The following IFIT5 variants were observed in gnomAD, a reference collection of about 807,000 sequenced individuals.
IFIT5 encodes interferon induced protein with tetratricopeptide repeats 5, also known as interferon-induced protein with tetratricopeptide repeats 5.
Under a neutral mutation model 5.0 loss-of-function variants are expected in IFIT5, and 2 were observed. That is an observed-to-expected ratio of 0.40 (90% CI 0.16 to 1.26). IFIT5 has a LOEUF of 1.26. Ranked by LOEUF, IFIT5 falls within the 50% of genes most tolerant of loss-of-function variation. IFIT5 has a pLI of 0.33. For missense variants in IFIT5, 524 were observed against 563.2 expected (o/e 0.93, Z 0.70); for synonymous variants, 206 against 204.6 (o/e 1.01, Z -0.06).
Position 89,419,566 on chromosome 10 carries a change from T to A in IFIT5, c.*918T>A, listed in dbSNP as rs972043089. The A allele has an allele frequency of 6.6e-6, 1 of 152,198 alleles. No homozygotes were observed. The highest frequency in any genetic ancestry group is 2.4e-5 in the African/African-American group (1 of 41,462). 9.4% of individuals were successfully genotyped at this position (152,198 alleles called of 1,614,324 possible). ...TTACCAAGGTTTCAGTGTACTAGTT[T>A]TGAATCTGTTCTGAATGGAGTTTTT... On this transcript the variant is annotated 3_prime_UTR_variant, in exon 2 of 2. Transcript: ENST00000371795.
rs777935444 is a variant in IFIT5, at chr10:89,417,950, G to A, written c.751G>A (p.Val251Ile). Residue 251 changes from valine (V) to isoleucine (I), a missense_variant, in exon 2 of 2, where the codon GTC becomes ATC. By Grantham distance (29) the Val-to-Ile change is conservative. Transcript: ENST00000371795. ...GGACCAAATATCATCCCAGCCTTAC[G>A]TCCTTCGTTATGCAGCCAAGTTCTA... ...ILDQISSQPYVLRYAAKFYRR... is the reference protein window; with the variant it reads ...ILDQISSQPYILRYAAKFYRR... 1.4e-4 allele frequency: 225 copies of A among 1,614,032 alleles called. No homozygotes were observed. Among genetic ancestry groups the A allele is most frequent in the South Asian group, 4.6e-4 (42 of 91,082 alleles).
rs1403346031 is a variant in IFIT5, at chr10:89,420,512, G to GA, written c.*1868dup. The stretch of plus-strand genomic sequence containing the variant: ...AGATTATTTGCTTCATCAGTTCATA[G>GA]AAAAGATTATTTGCTTCATCAGTTA... On this transcript the variant is annotated 3_prime_UTR_variant, in exon 2 of 2. Coordinates refer to ENST00000371795, the MANE Select transcript of IFIT5 (RefSeq NM_012420.3). 3.3e-5 allele frequency: 5 copies of GA among 152,172 alleles called. No individual in the cohort carries two copies. Among genetic ancestry groups the GA allele is most frequent in the African/African-American group, 4.8e-5 (2 of 41,450 alleles). The allele number at this position is 152,172 out of a possible 1,614,324, so 9.4% of individuals were successfully genotyped here.
At position 89,418,746 on chromosome 10, in the gene IFIT5, G is replaced by A. The variant is rs924421399; in HGVS notation, c.*98G>A. The A allele has an allele frequency of 3.3e-6, 4 of 1,215,596 alleles. No individual in the cohort carries two copies. Among genetic ancestry groups the A allele is most frequent in the African/African-American group, 3.1e-5 (2 of 64,890 alleles). 75.3% of individuals were successfully genotyped at this position (1,215,596 alleles called of 1,614,324 possible). A position where few individuals can be genotyped will look rare whatever the true frequency, so the allele number is the denominator to read the frequency against. On this transcript the variant is annotated 3_prime_UTR_variant, in exon 2 of 2. Transcript: ENST00000371795. The stretch of plus-strand genomic sequence containing the variant: ...ATTTTAATCCCTTGTTTATTATAGA[G>A]CTAATATTTATTGAATAGTTATTGT...
Position 89,417,772 on chromosome 10 carries a change from T to TA in IFIT5, c.574dup (p.Arg192LysfsTer23). On this transcript the variant is annotated frameshift_variant, in exon 2 of 2. Coordinates refer to ENST00000371795, the MANE Select transcript of IFIT5 (RefSeq NM_012420.3). LOFTEE classifies it low-confidence loss of function (END_TRUNC). Reference sequence around the variant, plus strand: ...CAGTGTATCGGCTGGATGATTCTGATAGAGAAGGGTCTGTAAAGAGCTTTT... The same window carrying TA: ...CAGTGTATCGGCTGGATGATTCTGATAAGAGAAGGGTCTGTAAAGAGCTTTT... The TA allele has an allele frequency of 2.5e-6, 4 of 1,614,192 alleles. No individual in the cohort carries two copies. The highest frequency in any genetic ancestry group is 3.4e-6 in the Non-Finnish European group (4 of 1,180,034).
Position 89,417,416 on chromosome 10 carries a change from T to A in IFIT5, c.217T>A (p.Cys73Ser), listed in dbSNP as rs1347850028. The A allele has an allele frequency of 6.2e-7, 1 of 1,614,062 alleles. No homozygotes were observed. Residue 73 changes from cysteine (C) to serine (S), a missense_variant, in exon 2 of 2, where the codon TGC becomes AGC. Coordinates refer to ENST00000371795, the MANE Select transcript of IFIT5 (RefSeq NM_012420.3). ...LKGQNKDALECLEQAEEIIQQ... is the reference protein window; with the variant it reads ...LKGQNKDALESLEQAEEIIQQ... ...AGGCCAAAATAAAGACGCCCTTGAGTGCTTGGAACAAGCAGAAGAAATAAT... is the reference window on the plus strand; with the variant it reads ...AGGCCAAAATAAAGACGCCCTTGAGAGCTTGGAACAAGCAGAAGAAATAAT...
chr10:89,415,554 T>G (rs945642422), intron 1 of IFIT5, among the ~76,000 whole-genome samples: 2 of 152,208 alleles, frequency 1.3e-5, no homozygotes, highest in South Asian at 4.1e-4. Flanking sequence ...CTTTACTGAT[T>G]TAGTATGATG....
rs567223551 is a variant in IFIT5, at chr10:89,418,825, TTTTC to T, written c.*185_*188del. The T allele has an allele frequency of 3.6e-4, 192 of 533,708 alleles. No homozygotes were observed. The Middle Eastern group carries it at 4.2e-3, about 12-fold the overall frequency. The allele number at this position is 533,708 out of a possible 1,614,324, so 33.1% of individuals were successfully genotyped here. A position where few individuals can be genotyped will look rare whatever the true frequency, so the allele number is the denominator to read the frequency against. On this transcript the variant is annotated 3_prime_UTR_variant, in exon 2 of 2. Coordinates refer to ENST00000371795, the MANE Select transcript of IFIT5 (RefSeq NM_012420.3). The stretch of plus-strand genomic sequence containing the variant: ...ATGCATTATGATGAATCTTGTGCGG[TTTTC>T]TTTCTTTTTTTCTTTTTAATTAAAA...
In IFIT5 at chr10:89,417,808, T is replaced by G. The variant is rs1345420963; in HGVS notation, c.609T>G (p.Pro203=). The part of the protein sequence containing the change: ...EGSVKSFSLG[P]LRKAVTLNPD... ...CTGTAAAGAGCTTTTCTCTGGGGCC[T>G]TTGAGAAAGGCTGTTACCCTGAACC... Residue 203 remains proline, a synonymous_variant, in exon 2 of 2, where the codon CCT becomes CCG. Transcript: ENST00000371795. 1.2e-6 allele frequency: 2 copies of G among 1,614,010 alleles called. No individual in the cohort carries two copies. Among genetic ancestry groups the G allele is most frequent in the Non-Finnish European group, 1.7e-6 (2 of 1,180,028 alleles).
rs1277689918 is a variant in IFIT5 at position 89,419,706 on chromosome 10, AAG to A, written c.*1061_*1062del. The A allele has an allele frequency of 6.6e-6, 1 of 151,990 alleles. No individual in the cohort carries two copies. The highest frequency in any genetic ancestry group is 1.5e-5 in the Non-Finnish European group (1 of 67,986). 9.4% of individuals were successfully genotyped at this position (151,990 alleles called of 1,614,324 possible). A position where few individuals can be genotyped will look rare whatever the true frequency, so the allele number is the denominator to read the frequency against. The stretch of plus-strand genomic sequence containing the variant: ...GTTTTTTTCATGTAGATACTCCAGG[AAG>A]AGTTAAGCACTGCTTTCAGTTTTAA... On this transcript the variant is annotated 3_prime_UTR_variant, in exon 2 of 2. Coordinates refer to ENST00000371795, the MANE Select transcript of IFIT5 (RefSeq NM_012420.3).
Position 89,414,941 on chromosome 10 carries a change from G to A in IFIT5, c.5+138G>A, listed in dbSNP as rs1841517061. On this transcript the variant is annotated intron_variant, in intron 1 of 1. Coordinates refer to ENST00000371795, the MANE Select transcript of IFIT5 (RefSeq NM_012420.3). ...CCTCGCGCCCAGCAACCGGGCATCT[G>A]CGTTGGGGACCCTCCCCGGGCGCTC... The A allele has an allele frequency of 2.6e-6, 3 of 1,175,622 alleles. No homozygotes were observed. In the East Asian group the frequency reaches 9.1e-5, roughly 36 times the overall value. The allele number at this position is 1,175,622 out of a possible 1,614,324, so 72.8% of individuals were successfully genotyped here.
chr10:89,414,634 C>G lies in IFIT5; in HGVS notation c.-165C>G. On this transcript the variant is annotated 5_prime_UTR_variant, in exon 1 of 2. Coordinates refer to ENST00000371795, the MANE Select transcript of IFIT5 (RefSeq NM_012420.3). Reference sequence around the variant, plus strand: ...TGTTCTTGCTGGGGCTGGGGTCTCTCCTTTAACAAAGACACGCCGCGCGGC... The same window carrying G: ...TGTTCTTGCTGGGGCTGGGGTCTCTGCTTTAACAAAGACACGCCGCGCGGC... 1 of 627,298 alleles carries G rather than the reference C, an allele frequency of 1.6e-6. No homozygotes were observed. 38.9% of individuals were successfully genotyped at this position (627,298 alleles called of 1,614,324 possible).
Position 89,417,799 on chromosome 10 carries a change from T to C in IFIT5, c.600T>C (p.Ser200=). The C allele has an allele frequency of 6.2e-7, 1 of 1,614,220 alleles. No homozygotes were observed. Among genetic ancestry groups the C allele is most frequent in the Non-Finnish European group, 8.5e-7 (1 of 1,180,038 alleles). ...GAGAAGGGTCTGTAAAGAGCTTTTC[T>C]CTGGGGCCTTTGAGAAAGGCTGTTA... The part of the protein sequence containing the change: ...SDREGSVKSF[S]LGPLRKAVTL... The change falls in exon 2 of 2, where the codon TCT becomes TCC. Residue 200 remains serine (S), a synonymous_variant. Transcript: ENST00000371795.
intron 1 of IFIT5, among the ~76,000 whole-genome samples, chr10:89,415,533 T>A (rs576410382): frequency 6.6e-6 from 1 of 152,336 alleles, no homozygotes; most frequent in South Asian, 2.1e-4. Flanking sequence ...GAGGATTTCT[T>A]TATCTGTTTC....
At chr10:89,415,695 C>T (rs1841529121) in intron 1 of IFIT5, among the ~76,000 whole-genome samples, 2 of 152,124 alleles carry the variant, frequency 1.3e-5, no homozygotes, top group South Asian at 4.1e-4. Context: ...GCAGATAGTC[C>T]CTTGTTCTAA....
rs1841568627 is a variant in IFIT5 at position 89,418,612 on chromosome 10, C to T, written c.1413C>T (p.Phe471=). The T allele has an allele frequency of 6.2e-7, 1 of 1,613,494 alleles. No individual in the cohort carries two copies. The highest frequency in any genetic ancestry group is 1.7e-5 in the Admixed American group (1 of 59,946). The stretch of plus-strand genomic sequence containing the variant: ...AGATAGATCCAGAAAATGCAGAATT[C>T]CTGACTGCTCTCTGTGAGCTCCGAC... ...AQKIDPENAE[F]LTALCELRLS... Residue 471 remains phenylalanine, a synonymous_variant, in exon 2 of 2, where the codon TTC becomes TTT. Coordinates refer to ENST00000371795, the MANE Select transcript of IFIT5 (RefSeq NM_012420.3).
rs1275639688 is a variant in IFIT5, at chr10:89,418,502, G to A, written c.1303G>A (p.Val435Met). The A allele has an allele frequency of 1.2e-6, 2 of 1,614,208 alleles. No individual in the cohort carries two copies. Among genetic ancestry groups the A allele is most frequent in the East Asian group, 2.2e-5 (1 of 44,888 alleles). ...TKRLCHNALD[V>M]QSLSALGFVY... ...GAGACTTTGTCACAATGCTTTAGAT[G>A]TGCAGAGTTTAAGTGCCCTAGGGTT... The change falls in exon 2 of 2, where the codon GTG becomes ATG. Residue 435 changes from valine to methionine, a missense_variant. Transcript: ENST00000371795.
At position 89,420,549 on chromosome 10, in the gene IFIT5, TA is replaced by T. The variant is rs1237719642; in HGVS notation, c.*1904del. 1.3e-5 allele frequency: 2 copies of T among 152,242 alleles called. No individual in the cohort carries two copies. The highest frequency in any genetic ancestry group is 6.5e-5 in the Admixed American group (1 of 15,280). 9.4% of individuals were successfully genotyped at this position (152,242 alleles called of 1,614,324 possible). On this transcript the variant is annotated 3_prime_UTR_variant, in exon 2 of 2. Coordinates refer to ENST00000371795, the MANE Select transcript of IFIT5 (RefSeq NM_012420.3). ...TGCTTCATCAGTTAACTTGTTTTTATAAATCAGGGCTGTGTTCATACACAGA... is the reference window on the plus strand; with the variant it reads ...TGCTTCATCAGTTAACTTGTTTTTATAATCAGGGCTGTGTTCATACACAGA...
chr10:89,419,667 A>G lies in IFIT5; in HGVS notation c.*1019A>G, dbSNP rs1212720599. On this transcript the variant is annotated 3_prime_UTR_variant, in exon 2 of 2. Transcript: ENST00000371795. ...TATGAAGCTTTTTTTTTAATGTGAA[A>G]TTTTCAGAATGTTGTTTTTTTCATG... is the stretch of plus-strand genomic sequence containing the variant. The G allele has an allele frequency of 6.6e-6, 1 of 151,836 alleles. No individual in the cohort carries two copies. Among genetic ancestry groups the G allele is most frequent in the East Asian group, 1.9e-4 (1 of 5,188 alleles). 9.4% of individuals were successfully genotyped at this position (151,836 alleles called of 1,614,324 possible).
chr10:89,416,104 A>T (rs926674651), intron 1 of IFIT5, among the ~76,000 whole-genome samples: 1 of 152,126 alleles, frequency 6.6e-6, no homozygotes, highest in African/African-American at 2.4e-5. Context: ...TTGTATCTTT[A>T]GTAGAGACGC....
Sources: gnomAD v4.1 joint callset for allele counts (sites outside exome capture counted in the v4.1 genomes callset) on GRCh38, gnomAD v4.1.1 for gene constraint, MANE v1.5 for transcripts, NCBI Gene and HGNC (gene_info 2026-07-23, HGNC 2026-07-21) for gene names.